The following DCAF6 variants were observed in gnomAD, a reference collection of about 807,000 sequenced individuals.
DCAF6 encodes DDB1 and CUL4 associated factor 6, also known as DDB1- and CUL4-associated factor 6.
Under a neutral mutation model 125.1 loss-of-function variants are expected in DCAF6, and 54 were observed. The observed-to-expected ratio is 0.43, with a 90% CI of 0.35 to 0.54. The LOEUF (loss-of-function observed/expected upper bound fraction) is 0.54, where lower values mean the gene tolerates loss of function less well. Ranked by LOEUF, DCAF6 falls within the 20% of genes least tolerant of loss-of-function variation. The pLI, the probability that DCAF6 is intolerant of heterozygous loss-of-function variation, is 0.01. For synonymous variants in DCAF6, 371 were observed against 390.4 expected (o/e 0.95, Z 0.58); for missense variants, 934 against 1,161.7 (o/e 0.80, Z 2.85).
rs749075535 is a variant in DCAF6 at position 168,004,513 on chromosome 1, C to T, written c.1118-20C>T. On this transcript the variant is annotated intron_variant, in intron 9 of 21. Transcript: ENST00000367840. ...AGAAAATATTTAAAATTTGAATTTG[C>T]CTTAACATGTGTTTTGAAGGTGGAA... 1.2e-6 allele frequency: 2 copies of T among 1,609,672 alleles called. No individual in the cohort carries two copies. Among genetic ancestry groups the T allele is most frequent in the Non-Finnish European group, 1.7e-6 (2 of 1,177,160 alleles).
In DCAF6 at chr1:168,004,399, A is replaced by G. The variant is rs7521894; in HGVS notation, c.1118-134A>G. On this transcript the variant is annotated intron_variant, in intron 9 of 21. Coordinates refer to ENST00000367840, the MANE Select transcript of DCAF6 (RefSeq NM_001198956.2). ...CCTATTTTGTCAAATGGGCCAAATC[A>G]CCAGTAGTTATTATCACTGAAATTA... 4.6e-3 allele frequency: 4,538 copies of G among 996,974 alleles called. 128 individuals are homozygous for G. The African/African-American group carries it at 0.067, about 15-fold the overall frequency. The allele number at this position is 996,974 out of a possible 1,614,324, so 61.8% of individuals were successfully genotyped here.
intron 17 of DCAF6, among the ~76,000 whole-genome samples, chr1:168,053,799 T>G (rs1322847475): frequency 2.0e-5 from 3 of 152,176 alleles, no homozygotes; most frequent in Non-Finnish European, 4.4e-5. Context: ...AATCATGTTA[T>G]TTTTGCAGTT....
chr1:167,937,066 G>A, intron 1 of DCAF6, 58 bp downstream of exon 1: 2 of 1,440,008 alleles, frequency 1.4e-6, no homozygotes, highest in South Asian at 1.2e-5. Flanking sequence ...GGGGGAGGGG[G>A]CACGCTGCCG....
At chr1:167,924,970 A>C in the DCAF6 span, among the ~76,000 whole-genome samples, 2 of 152,196 alleles carry the variant, frequency 1.3e-5, no homozygotes, top group Non-Finnish European at 2.9e-5. Context: ...TTAAGCAGCA[A>C]AATTTGAAAA....
At chr1:167,997,680 A>G (rs2103043894) in intron 7 of DCAF6, among the ~76,000 whole-genome samples, 1 of 152,290 alleles carries the variant, frequency 6.6e-6, no homozygotes, top group East Asian at 1.9e-4. Flanking sequence ...TTAAAAAATA[A>G]ATAAAAATAA....
intron 2 of DCAF6, among the ~76,000 whole-genome samples, chr1:167,953,179 C>T (rs1325241820): frequency 6.6e-6 from 1 of 151,960 alleles, no homozygotes; most frequent in East Asian, 1.9e-4. Flanking sequence ...GTTATTTGTT[C>T]AAAAGATGAT....
chr1:167,912,156 C>A, the DCAF6 span, among the ~76,000 whole-genome samples: 1 of 152,118 alleles, frequency 6.6e-6, no homozygotes, highest in Non-Finnish European at 1.5e-5. Context: ...TTTATTATGA[C>A]CTTTTTATGT....
At chr1:168,044,377 C>T (rs957974709) in intron 14 of DCAF6, among the ~76,000 whole-genome samples, 1 of 152,022 alleles carries the variant, frequency 6.6e-6, no homozygotes, top group Non-Finnish European at 1.5e-5. Flanking sequence ...GCGTAGCAAC[C>T]GCTTACATAG....
the DCAF6 span, among the ~76,000 whole-genome samples, chr1:167,895,614 G>T: frequency 1.3e-5 from 2 of 152,140 alleles, no homozygotes; most frequent in African/African-American, 2.4e-5. Context: ...CATAGGTAGG[G>T]TATTTTGTTT....
At chr1:167,875,760 C>T in the DCAF6 span, among the ~76,000 whole-genome samples, 2,216 of 152,106 alleles carry the variant, frequency 0.015, 23 homozygotes, top group East Asian at 0.075. Context: ...ACCATCCTGG[C>T]TAACACGGTG....
chr1:167,943,472 A>C (rs1672571553), intron 1 of DCAF6, among the ~76,000 whole-genome samples: 1 of 152,182 alleles, frequency 6.6e-6, no homozygotes, highest in Admixed American at 6.5e-5. Context: ...GTTTATCCTT[A>C]AATATTTCAT....
chr1:167,989,430 A>G (rs532410248), intron 5 of DCAF6, among the ~76,000 whole-genome samples: 1 of 152,368 alleles, frequency 6.6e-6, no homozygotes, highest in East Asian at 1.9e-4. Flanking sequence ...TAAAAGTGAA[A>G]TGAAGCAGAG....
chr1:167,951,905 A>G (rs1483250731), intron 2 of DCAF6, 44 bp downstream of exon 2: 2 of 1,272,088 alleles, frequency 1.6e-6, no homozygotes, highest in Admixed American at 3.7e-5. Flanking sequence ...TTTGATACTA[A>G]GTGTTTAAGT....
chr1:167,870,623 C>CCT, the DCAF6 span, among the ~76,000 whole-genome samples: 1 of 142,070 alleles, frequency 7.0e-6, no homozygotes, highest in Non-Finnish European at 1.5e-5. Flanking sequence ...TGAAACCCTG[C>CCT]CTCTACTGAA....
At chr1:167,903,851 A>G in the DCAF6 span, 2 of 1,470,138 alleles carry the variant, frequency 1.4e-6, no homozygotes, top group South Asian at 1.1e-5. Flanking sequence ...AATGAATTGA[A>G]ATATTCTCAA....
intron 2 of DCAF6, among the ~76,000 whole-genome samples, chr1:167,957,538 G>A (rs1308785597): frequency 3.3e-5 from 5 of 152,052 alleles, no homozygotes; most frequent in Non-Finnish European, 7.4e-5. Flanking sequence ...TCAGTTGTTG[G>A]ATATTTGGGT....
chr1:167,878,216 T>A, the DCAF6 span, among the ~76,000 whole-genome samples: 1 of 152,156 alleles, frequency 6.6e-6, no homozygotes, highest in Non-Finnish European at 1.5e-5. Context: ...CTTTGAAGAA[T>A]TACCCTCATA....
At chr1:167,905,276 TG>T in the DCAF6 span, 1 of 1,111,202 alleles carries the variant, frequency 9.0e-7, no homozygotes, top group African/African-American at 1.5e-5. Context: ...CCATTTGTTT[TG>T]TTCTAACCTG....
the DCAF6 span, among the ~76,000 whole-genome samples, chr1:167,913,749 T>C: frequency 0.012 from 1,784 of 151,892 alleles, 28 homozygotes; most frequent in African/African-American, 0.04. Flanking sequence ...ATAAAGAAAG[T>C]AAGCTAGAAA....
Sources: allele counts gnomAD v4.1 joint callset (sites outside exome capture counted in the v4.1 genomes callset), GRCh38; gene constraint gnomAD v4.1.1; transcripts MANE v1.5; gene names NCBI Gene and HGNC (gene_info 2026-07-23, HGNC 2026-07-21).